PCDHGA1: variants seen among roughly 807,000 people sequenced by gnomAD.
The protein encoded by PCDHGA1 is protocadherin gamma-A1.
Under a neutral mutation model 58.0 loss-of-function variants are expected in PCDHGA1, and 32 were observed. The ratio of observed to expected loss-of-function variants is 0.55; its 90% CI spans 0.42 to 0.74. The LOEUF (loss-of-function observed/expected upper bound fraction) is 0.74. Among genes scored for constraint, PCDHGA1 ranks in the 30% least tolerant of loss-of-function variants. The pLI, the probability that PCDHGA1 is intolerant of heterozygous loss-of-function variation, is 0.00. For synonymous variants in PCDHGA1, 498 were observed against 501.1 expected (o/e 0.99, Z 0.08); for missense variants, 1,205 against 1,182.3 (o/e 1.02, Z -0.28).
Position 141,432,226 on chromosome 5 carries a change from T to C in PCDHGA1, c.2422-62581T>C. On this transcript the variant is annotated intron_variant, in intron 1 of 3. Coordinates refer to ENST00000517417, the MANE Select transcript of PCDHGA1 (RefSeq NM_018912.3). The surrounding 1 kb of genome is among the most constrained non-coding windows in gnomAD (Gnocchi z 6.0). ...GTGAAGAGAACGCCCAGATCACTTATTCCCTGGCTGAGAACACCATCCAAG... is the reference window on the plus strand; with the variant it reads ...GTGAAGAGAACGCCCAGATCACTTACTCCCTGGCTGAGAACACCATCCAAG... 4 of 1,614,198 alleles carry C rather than the reference T, an allele frequency of 2.5e-6. No individual in the cohort carries two copies. The highest frequency in any genetic ancestry group is 3.4e-6 in the Non-Finnish European group (4 of 1,180,028).
chr5:141,419,443 C>T (rs1476796525), intron 1 of PCDHGA1: 2 of 1,613,080 alleles, frequency 1.2e-6, no homozygotes, highest in South Asian at 2.2e-5. Flanking sequence ...TGCGCACCTT[C>T]GAGCTCACGC....
chr5:141,435,296 T>A (rs545583818), intron 1 of PCDHGA1, among the ~76,000 whole-genome samples: 44 of 152,328 alleles, frequency 2.9e-4, no homozygotes, highest in African/African-American at 9.9e-4. Context: ...AGTCATTTCA[T>A]GGTTTTAAAT....
intron 1 of PCDHGA1, chr5:141,362,146 G>A (rs1351583274): frequency 9.9e-6 from 16 of 1,613,938 alleles, no homozygotes; most frequent in Non-Finnish European, 1.4e-5. Flanking sequence ...CCTGCAAGAG[G>A]TATTGCCAGA....
intron 1 of PCDHGA1, chr5:141,422,542 G>T (rs368252552): frequency 1.2e-5 from 19 of 1,613,878 alleles, no homozygotes; most frequent in Admixed American, 1.7e-5. Context: ...AGAAACTCAT[G>T]TCTGGCTGAA....
At chr5:141,424,982 G>T (rs2096852076) in intron 1 of PCDHGA1, among the ~76,000 whole-genome samples, 1 of 152,106 alleles carries the variant, frequency 6.6e-6, no homozygotes, top group South Asian at 2.1e-4. Context: ...GGATATTTAT[G>T]TTCCCTTTCA....
chr5:141,392,791 G>T, intron 1 of PCDHGA1: 1 of 1,557,836 alleles, frequency 6.4e-7, no homozygotes, highest in Non-Finnish European at 8.7e-7. Flanking sequence ...AAGATTCTGA[G>T]AGGATTCTGC....
chr5:141,344,127 C>A (rs780910092), intron 1 of PCDHGA1: 3 of 1,614,022 alleles, frequency 1.9e-6, no homozygotes, highest in East Asian at 2.2e-5. Flanking sequence ...CGGTCAGATC[C>A]GCTACTCGGT....
chr5:141,481,475 C>T (rs1423011632), intron 1 of PCDHGA1, among the ~76,000 whole-genome samples: 1 of 152,200 alleles, frequency 6.6e-6, no homozygotes, highest in Non-Finnish European at 1.5e-5. Context: ...TTGGATTATA[C>T]ACTTTAAATA....
At chr5:141,342,930 T>C (rs1319907711) in intron 1 of PCDHGA1, 1 of 152,180 alleles carries the variant, frequency 6.6e-6, no homozygotes, top group African/African-American at 2.4e-5. Context: ...AGGTCTGTGA[T>C]TTCTCTCTCA....
rs753577656 is a variant in PCDHGA1, at chr5:141,361,905, G to A, written c.2421+28800G>A. 4 of 1,609,114 alleles carry A rather than the reference G, an allele frequency of 2.5e-6. No homozygotes were observed. In the South Asian group the frequency reaches 4.4e-5, roughly 18 times the overall value. ...CAGAGCCCGGCTACCTGGTGACCAA[G>A]GTGGTGGCGGTGGACGCAGACTCAG... On this transcript the variant is annotated intron_variant, in intron 1 of 3. Coordinates refer to ENST00000517417, the MANE Select transcript of PCDHGA1 (RefSeq NM_018912.3).
intron 1 of PCDHGA1, among the ~76,000 whole-genome samples, chr5:141,436,478 A>G (rs1360229764): frequency 2.0e-5 from 3 of 152,220 alleles, no homozygotes; most frequent in Non-Finnish European, 4.4e-5. Context: ...TGTATCATAG[A>G]AGGATAGCAG....
At chr5:141,370,225 C>T in intron 1 of PCDHGA1, 1 of 577,904 alleles carries the variant, frequency 1.7e-6, no homozygotes. Flanking sequence ...CCGCTGCAGC[C>T]AGCTCGGAAG....
chr5:141,360,853 C>G (rs1463247472), intron 1 of PCDHGA1: 16 of 1,613,992 alleles, frequency 9.9e-6, no homozygotes, highest in Non-Finnish European at 1.4e-5. Context: ...CGATAACCCT[C>G]CAGTGTTCAG....
Position 141,331,302 on chromosome 5 carries a change from T to C in PCDHGA1, c.618T>C (p.Ala206=). ...LQSPLDREEE[A]VHHLILTASD... is the part of the protein sequence containing the mutation. The stretch of plus-strand genomic sequence containing the variant: ...GTCCCTTAGACAGAGAAGAAGAAGC[T>C]GTCCACCACCTCATCCTCACAGCTT... The change falls in exon 1 of 4, where the codon GCT becomes GCC. Residue 206 remains alanine, a synonymous_variant. Transcript: ENST00000517417. 1.9e-6 allele frequency: 3 copies of C among 1,614,140 alleles called. No individual in the cohort carries two copies. Among genetic ancestry groups the C allele is most frequent in the Non-Finnish European group, 2.5e-6 (3 of 1,180,026 alleles).
chr5:141,505,681 G>A (rs113733387), intron 3 of PCDHGA1, among the ~76,000 whole-genome samples, 200 bp downstream of exon 3: 92 of 152,324 alleles, frequency 6.0e-4, no homozygotes, highest in African/African-American at 2.1e-3. Flanking sequence ...GGGGTCCTGG[G>A]ATGCCTGGAG....
rs753022372 is a variant in PCDHGA1, at chr5:141,350,463, C to T, written c.2421+17358C>T. On this transcript the variant is annotated intron_variant, in intron 1 of 3. Transcript: ENST00000517417. ...CCAACTCGAAAACTGCGGGTTAGTG[C>T]AGAGGATTATTTCAACGTTAGTTTG... 1.9e-6 allele frequency: 3 copies of T among 1,613,812 alleles called. No homozygotes were observed. In the South Asian group the frequency reaches 3.3e-5, roughly 18 times the overall value.
intron 1 of PCDHGA1, chr5:141,422,819 TGA>T (rs766395950): frequency 1.9e-5 from 31 of 1,614,068 alleles, no homozygotes; most frequent in Middle Eastern, 1.6e-4. Flanking sequence ...GACTTAGAAC[TGA>T]GAGTGATAGC....
chr5:141,349,189 C>A (rs989976647), intron 1 of PCDHGA1, among the ~76,000 whole-genome samples: 2 of 152,100 alleles, frequency 1.3e-5, no homozygotes, highest in African/African-American at 4.8e-5. Flanking sequence ...GCTGCCTCAA[C>A]CTCCCGAGTA....
chr5:141,413,461 C>G (rs1294898087), intron 1 of PCDHGA1: 11 of 1,614,082 alleles, frequency 6.8e-6, no homozygotes, highest in Non-Finnish European at 7.6e-6. Flanking sequence ...CAGGATAGAC[C>G]GGGAGGAGCT....
Sources: allele counts gnomAD v4.1 joint callset (sites outside exome capture counted in the v4.1 genomes callset), GRCh38; gene constraint gnomAD v4.1.1; non-coding constraint Gnocchi (gnomAD v3.1); transcripts MANE v1.5; gene names NCBI Gene and HGNC (gene_info 2026-07-23, HGNC 2026-07-21).